The following ATP11A variants were observed in gnomAD, a reference collection of about 807,000 sequenced individuals.
The protein encoded by ATP11A is ATPase phospholipid transporting 11A, also known as phospholipid-transporting ATPase IH.
In ATP11A, 81 loss-of-function variants were observed where a neutral mutation model predicts 154.4. That is an observed-to-expected ratio of 0.52 (90% confidence interval 0.44 to 0.63). ATP11A has a LOEUF of 0.63. Ranked by LOEUF, ATP11A falls within the 30% of genes least tolerant of loss-of-function variation. The pLI is 0.00. For synonymous variants in ATP11A, 623 were observed against 585.9 expected (o/e 1.06, Z -0.91); for missense variants, 1,316 against 1,474.3 (o/e 0.89, Z 1.76).
rs910308910 is a variant in ATP11A at position 112,875,649 on chromosome 13, T to A, written c.3162-127T>A. 4.4e-5 allele frequency: 46 copies of A among 1,035,018 alleles called. No homozygotes were observed. Among genetic ancestry groups the A allele is most frequent in the Non-Finnish European group, 5.8e-5 (42 of 717,966 alleles). The allele number at this position is 1,035,018 out of a possible 1,614,324, so 64.1% of individuals were successfully genotyped here. Reference sequence around the variant, plus strand: ...TATGATAAATTCAGAGCAGGCTCCGTGGCTTGCCAAGCAACTCTCACTGAC... The same window carrying A: ...TATGATAAATTCAGAGCAGGCTCCGAGGCTTGCCAAGCAACTCTCACTGAC... On this transcript the variant is annotated intron_variant, in intron 27 of 29. Transcript: ENST00000375645. The surrounding 1 kb of genome is among the most constrained non-coding windows in gnomAD (Gnocchi z 4.1).
At chr13:112,710,045 G>A (rs142134937) in intron 1 of ATP11A, among the ~76,000 whole-genome samples, 2,278 of 152,298 alleles carry the variant, frequency 0.015, 30 homozygotes, top group Non-Finnish European at 0.022. Flanking sequence ...CCTGGAGCTG[G>A]GCATCAGCCA....
chr13:112,813,247 C>T lies in ATP11A; in HGVS notation c.441+2521C>T, dbSNP rs769482090. On this transcript the variant is annotated intron_variant, in intron 5 of 29. Coordinates refer to ENST00000375645, the MANE Select transcript of ATP11A (RefSeq NM_015205.3). ...TAAACTTTTTATTTCGAGGTAATTA[C>T]GGGATCACATGTGGTAGTAAGAAAT... 2.0e-5 allele frequency among the ~76,000 whole-genome samples: 3 copies of T among 152,180 alleles called. 1 individual carries two copies. The highest frequency in any genetic ancestry group is 1.5e-5 in the Non-Finnish European group (1 of 68,040).
At chr13:112,749,831 G>T (rs1012344570) in intron 1 of ATP11A, among the ~76,000 whole-genome samples, 2 of 133,662 alleles carry the variant, frequency 1.5e-5, no homozygotes, top group African/African-American at 5.8e-5. Flanking sequence ...GTGAATTTCT[G>T]TCTTAGGGAA....
intron 2 of ATP11A, among the ~76,000 whole-genome samples, chr13:112,787,518 G>A (rs1404672509): frequency 1.1e-5 from 1 of 90,956 alleles, no homozygotes; most frequent in Non-Finnish European, 2.1e-5. Context: ...GACTCCTGTG[G>A]ATACCTACTT....
intron 1 of ATP11A, among the ~76,000 whole-genome samples, chr13:112,783,610 T>G (rs1180738882): frequency 6.6e-6 from 1 of 152,226 alleles, no homozygotes; most frequent in African/African-American, 2.4e-5. Context: ...GGCTTCCGTC[T>G]CCTCTTCAGC....
chr13:112,858,992 G>A (rs7994741), intron 22 of ATP11A: 81,183 of 265,574 alleles, frequency 0.31, 13,153 homozygotes, highest in East Asian at 0.48. Flanking sequence ...AGGGCCTGCC[G>A]TGCCGCGGGA....
At chr13:112,789,574 T>A (rs1361587449) in intron 2 of ATP11A, among the ~76,000 whole-genome samples, 1 of 145,796 alleles carries the variant, frequency 6.9e-6, no homozygotes, top group African/African-American at 2.6e-5. Flanking sequence ...CCTACTTAAT[T>A]CACACCGGTG....
intron 28 of ATP11A, among the ~76,000 whole-genome samples, chr13:112,877,795 G>A (rs968810599): frequency 1.3e-5 from 2 of 152,178 alleles, no homozygotes; most frequent in African/African-American, 4.8e-5. Flanking sequence ...CGAGGGCCAC[G>A]CCCCCGGATG....
intron 2 of ATP11A, among the ~76,000 whole-genome samples, chr13:112,787,581 G>C (rs76710935): frequency 0.016 from 380 of 24,296 alleles, 14 homozygotes; most frequent in Admixed American, 0.019. Flanking sequence ...CTACTTAATT[G>C]ACACCGGGTG....
chr13:112,785,027 C>A lies in ATP11A; in HGVS notation c.40-108C>A. On this transcript the variant is annotated intron_variant, in intron 1 of 29. Transcript: ENST00000375645. The surrounding 1 kb of genome is among the most constrained non-coding windows in gnomAD (Gnocchi z 4.8). ...CAGCCCTGAACGATGCTCTCAGCAGCAGGTACAGGTCTCCGTTCCGACGAA... is the reference window on the plus strand; with the variant it reads ...CAGCCCTGAACGATGCTCTCAGCAGAAGGTACAGGTCTCCGTTCCGACGAA... The A allele has an allele frequency of 7.7e-7, 1 of 1,295,944 alleles. No homozygotes were observed. The highest frequency in any genetic ancestry group is 1.0e-6 in the Non-Finnish European group (1 of 999,760). The allele number at this position is 1,295,944 out of a possible 1,614,324, so 80.3% of individuals were successfully genotyped here.
chr13:112,767,510 G>A (rs1348368834), intron 1 of ATP11A, among the ~76,000 whole-genome samples: 2 of 139,800 alleles, frequency 1.4e-5, no homozygotes, highest in African/African-American at 2.6e-5. Context: ...GAGGATGTAG[G>A]GGTATCGGGG....
rs753698233 is a variant in ATP11A at position 112,831,349 on chromosome 13, C to G, written c.1222-26C>G. On this transcript the variant is annotated intron_variant, in intron 12 of 29. Transcript: ENST00000375645. ...GACGTGCGGGCCTCCCTCAGAGCGC[C>G]CTGACTTGCTGTGCCCTGCCCGCAG... 6 of 1,608,204 alleles carry G rather than the reference C, an allele frequency of 3.7e-6. No individual in the cohort carries two copies. The Admixed American group carries it at 1.0e-4, about 27-fold the overall frequency.
chr13:112,802,908 AG>A (rs1192732406), intron 2 of ATP11A, among the ~76,000 whole-genome samples: 1 of 152,182 alleles, frequency 6.6e-6, no homozygotes, highest in Non-Finnish European at 1.5e-5. Flanking sequence ...ATGGAAAATA[AG>A]GGTGTTTGGA....
At chr13:112,774,375 T>C (rs537836054) in intron 1 of ATP11A, among the ~76,000 whole-genome samples, 166 of 152,328 alleles carry the variant, frequency 1.1e-3, no homozygotes, top group African/African-American at 3.0e-3. Context: ...CATGTCTTCC[T>C]GGGTGACGCC....
chr13:112,846,729 G>A (rs937156545), intron 17 of ATP11A, among the ~76,000 whole-genome samples: 1 of 152,242 alleles, frequency 6.6e-6, no homozygotes, highest in African/African-American at 2.4e-5. Context: ...GGGCTTTGTT[G>A]GATGCTGGGT....
chr13:112,818,600 C>T (rs747203114), intron 6 of ATP11A, among the ~76,000 whole-genome samples: 1 of 152,238 alleles, frequency 6.6e-6, no homozygotes, highest in Non-Finnish European at 1.5e-5. Flanking sequence ...ATGCCCACCT[C>T]AGGTGGGCCT....
Position 112,715,603 on chromosome 13 carries a change from C to G in ATP11A, c.39+25148C>G, listed in dbSNP as rs1337162574. Reference sequence around the variant, plus strand: ...ATCCTCCCTACCTGGCTGATCCCCCCACCTGGTCACACTGCCCCTCCTCCC... The same window carrying G: ...ATCCTCCCTACCTGGCTGATCCCCCGACCTGGTCACACTGCCCCTCCTCCC... On this transcript the variant is annotated intron_variant, in intron 1 of 29. Transcript: ENST00000375645. Among the ~76,000 whole-genome samples, 13 of 119,698 alleles carry G rather than the reference C, an allele frequency of 1.1e-4. No homozygotes were observed. The East Asian group carries it at 3.2e-3, about 29-fold the overall frequency. 78.5% of individuals were successfully genotyped at this position (119,698 alleles called of 152,430 possible). A position where few individuals can be genotyped will look rare whatever the true frequency, so the allele number is the denominator to read the frequency against.
rs776867836 is a variant in ATP11A, at chr13:112,805,067, C to G, written c.252+21C>G. 3 of 1,539,814 alleles carry G rather than the reference C, an allele frequency of 1.9e-6. No homozygotes were observed. In the African/African-American group the frequency reaches 4.1e-5, roughly 21 times the overall value. ...TGCAGGTAAGGCCGGTCATTGTTTT[C>G]CATCTCATCACATATAAATCTAAAT... On this transcript the variant is annotated intron_variant, in intron 3 of 29. Coordinates refer to ENST00000375645, the MANE Select transcript of ATP11A (RefSeq NM_015205.3).
chr13:112,791,540 CTGTCAT>C (rs1400069597), intron 2 of ATP11A, among the ~76,000 whole-genome samples: 2 of 152,238 alleles, frequency 1.3e-5, no homozygotes, highest in African/African-American at 2.4e-5. Flanking sequence ...AGCTGCACTT[CTGTCAT>C]TGCCCATGGC....
Sources: allele counts gnomAD v4.1 joint callset (sites outside exome capture counted in the v4.1 genomes callset), GRCh38; gene constraint gnomAD v4.1.1; non-coding constraint Gnocchi (gnomAD v3.1); transcripts MANE v1.5; gene names NCBI Gene and HGNC (gene_info 2026-07-23, HGNC 2026-07-21).